Variants in ADGRB3 observed in about 807,000 individuals in gnomAD.
The protein encoded by ADGRB3 is brain-specific angiogenesis inhibitor 3.
ADGRB3 carries 37 observed loss-of-function variants against 193.4 expected under a neutral mutation model. The observed-to-expected ratio is 0.19, with a 90% confidence interval of 0.15 to 0.25. The LOEUF is 0.25. ADGRB3 is among the 10% of genes least tolerant of loss of function. The probability of loss-of-function intolerance (pLI) is 1.00; values close to 1 mark genes in which losing one functional copy is unlikely to be tolerated. For missense variants in ADGRB3, 1,637 were observed against 1,852.9 expected, an observed-to-expected ratio of 0.88 and a Z score of 2.14; for synonymous variants, 690 against 644.2, an observed-to-expected ratio of 1.07 and a Z score of -1.08.
chr6:68,988,625 C>T (rs897177327), intron 10 of ADGRB3, among the ~76,000 whole-genome samples: 23 of 152,070 alleles, frequency 1.5e-4, no homozygotes, highest in Non-Finnish European at 2.2e-4. Flanking sequence ...TGGAAATTAA[C>T]GCAGGGGGAT....
chr6:69,335,399 G>A (rs1478462104), intron 24 of ADGRB3, among the ~76,000 whole-genome samples: 1 of 151,974 alleles, frequency 6.6e-6, no homozygotes, highest in Non-Finnish European at 1.5e-5. Flanking sequence ...CTGGTTCAAA[G>A]GCCACTCCTA....
At chr6:69,106,179 A>AAAG (rs377553245) in intron 17 of ADGRB3, among the ~76,000 whole-genome samples, 16,029 of 139,804 alleles carry the variant, frequency 0.11, 1,247 homozygotes, top group Middle Eastern at 0.27. Flanking sequence ...AAAAAAAAAA[A>AAAG]AAAAGAAAAG....
chr6:68,889,887 G>C (rs997286804), intron 3 of ADGRB3, among the ~76,000 whole-genome samples: 2 of 152,006 alleles, frequency 1.3e-5, no homozygotes, highest in African/African-American at 4.8e-5. Context: ...AAATTGTGAA[G>C]TACAACTTTC....
At chr6:68,661,648 G>T (rs889762329) in intron 3 of ADGRB3, among the ~76,000 whole-genome samples, 1 of 148,364 alleles carries the variant, frequency 6.7e-6, no homozygotes, top group Non-Finnish European at 1.5e-5. Flanking sequence ...GAAAGAAACA[G>T]CTTTAAATAA....
At chr6:68,786,395 A>G (rs1446497800) in intron 3 of ADGRB3, among the ~76,000 whole-genome samples, 2 of 152,132 alleles carry the variant, frequency 1.3e-5, no homozygotes, top group African/African-American at 4.8e-5. Context: ...TCCCAGCACC[A>G]TTTATTAAAT....
At chr6:68,877,575 A>C (rs1230007755) in intron 3 of ADGRB3, among the ~76,000 whole-genome samples, 1 of 152,140 alleles carries the variant, frequency 6.6e-6, no homozygotes, top group Admixed American at 6.5e-5. Flanking sequence ...ATATTCCTAA[A>C]GGACCTTTGT....
intron 20 of ADGRB3, among the ~76,000 whole-genome samples, chr6:69,293,278 C>T (rs1367205484): frequency 6.6e-6 from 1 of 151,994 alleles, no homozygotes; most frequent in Non-Finnish European, 1.5e-5. Context: ...GACAAACACC[C>T]ACTTTCTCTT....
intron 3 of ADGRB3, among the ~76,000 whole-genome samples, chr6:68,716,635 G>A (rs1374001238): frequency 6.6e-6 from 1 of 151,450 alleles, no homozygotes; most frequent in African/African-American, 2.4e-5. Flanking sequence ...CCAGTGGTAG[G>A]AGTATTTACA....
chr6:69,086,356 G>T (rs1157046253), intron 17 of ADGRB3, among the ~76,000 whole-genome samples: 2 of 152,104 alleles, frequency 1.3e-5, no homozygotes, highest in South Asian at 2.1e-4. Flanking sequence ...GATGTTTTTT[G>T]ATACTCTTAG....
At chr6:69,102,346 G>A (rs1467312330) in intron 17 of ADGRB3, among the ~76,000 whole-genome samples, 6 of 152,124 alleles carry the variant, frequency 3.9e-5, no homozygotes, top group African/African-American at 1.4e-4. Flanking sequence ...ATAGCATTAA[G>A]TAAGTCAGTA....
At chr6:68,951,475 C>T (rs1473809416) in intron 6 of ADGRB3, among the ~76,000 whole-genome samples, 1 of 152,114 alleles carries the variant, frequency 6.6e-6, no homozygotes, top group Non-Finnish European at 1.5e-5. Flanking sequence ...CCCACTACAG[C>T]CCCCAGACTA....
At chr6:68,689,904 G>T (rs1765042974) in intron 3 of ADGRB3, among the ~76,000 whole-genome samples, 1 of 152,128 alleles carries the variant, frequency 6.6e-6, no homozygotes, top group African/African-American at 2.4e-5. Context: ...AGCCTGCTGA[G>T]ATTGTTTTGC....
At chr6:68,986,321 T>C (rs1023522615) in intron 10 of ADGRB3, among the ~76,000 whole-genome samples, 1 of 152,200 alleles carries the variant, frequency 6.6e-6, no homozygotes, top group South Asian at 2.1e-4. Flanking sequence ...GGCCAAATGC[T>C]GTTCAACACA....
chr6:69,220,820 T>C (rs1765877778), intron 17 of ADGRB3, among the ~76,000 whole-genome samples: 1 of 152,144 alleles, frequency 6.6e-6, no homozygotes, highest in Admixed American at 6.6e-5. Context: ...TATATTTATT[T>C]AAATACATGG....
chr6:68,951,610 C>T (rs184645085), intron 6 of ADGRB3, among the ~76,000 whole-genome samples: 1 of 152,180 alleles, frequency 6.6e-6, no homozygotes, highest in East Asian at 1.9e-4. Flanking sequence ...TTACGAGACT[C>T]CAGGAGGGAT....
chr6:68,899,085 A>G (rs1257411942), intron 3 of ADGRB3, among the ~76,000 whole-genome samples: 1 of 152,138 alleles, frequency 6.6e-6, no homozygotes, highest in Non-Finnish European at 1.5e-5. Flanking sequence ...TACCATAGTA[A>G]TGTAAGATGT....
chr6:68,877,055 GTAT>G (rs1166556051), intron 3 of ADGRB3, among the ~76,000 whole-genome samples: 1 of 151,758 alleles, frequency 6.6e-6, no homozygotes, highest in Admixed American at 6.6e-5. Flanking sequence ...TTTATTACTA[GTAT>G]TAGTATTATT....
chr6:68,900,938 A>C (rs1766378016), intron 3 of ADGRB3, among the ~76,000 whole-genome samples: 1 of 152,168 alleles, frequency 6.6e-6, no homozygotes, highest in Non-Finnish European at 1.5e-5. Context: ...TATTTCAAGG[A>C]TAATAACTTC....
intron 3 of ADGRB3, among the ~76,000 whole-genome samples, chr6:68,662,890 T>A (rs1269535569): frequency 6.6e-6 from 1 of 150,910 alleles, no homozygotes; most frequent in Non-Finnish European, 1.5e-5. Context: ...ACAAAAAAAA[T>A]TAACTCCCAA....
Sources: allele counts gnomAD v4.1 joint callset (sites outside exome capture counted in the v4.1 genomes callset), GRCh38; gene constraint gnomAD v4.1.1; transcripts MANE v1.5; gene names NCBI Gene and HGNC (gene_info 2026-07-23, HGNC 2026-07-21).